Variants in LRRK1 observed in about 807,000 individuals in gnomAD.
LRRK1 encodes the protein leucine-rich repeat serine/threonine-protein kinase 1.
Under a neutral mutation model 209.1 loss-of-function variants are expected in LRRK1, and 113 were observed. The ratio of observed to expected loss-of-function variants is 0.54; its 90% CI spans 0.46 to 0.63. The LOEUF (loss-of-function observed/expected upper bound fraction) is 0.63. Ranked by LOEUF, LRRK1 falls within the 30% of genes least tolerant of loss-of-function variation. LRRK1 has a pLI of 0.00. For missense variants in LRRK1, 2,284 were observed against 2,632.2 expected, an observed-to-expected ratio of 0.87 and a Z score of 2.89; for synonymous variants, 1,144 against 1,099.7, an observed-to-expected ratio of 1.04 and a Z score of -0.80.
Position 100,983,683 on chromosome 15 carries a change from G to T in LRRK1, c.417G>T (p.Leu139Phe), listed in dbSNP as rs775524685. Residue 139 changes from leucine to phenylalanine, a missense_variant, in exon 4 of 34, where the codon TTG (leucine) becomes TTT (phenylalanine). Transcript: ENST00000388948. ...YFGHTAVVQE[L>F]LESLPGPCSP... ...GACACACGGCAGTTGTGCAGGAATT[G>T]CTTGAGTCCTTACCAGGTAAATCAC... 1.9e-6 allele frequency: 3 copies of T among 1,609,300 alleles called. No individual in the cohort carries two copies. The highest frequency in any genetic ancestry group is 4.5e-5 in the East Asian group (2 of 44,768).
intron 23 of LRRK1, among the ~76,000 whole-genome samples, chr15:101,051,450 G>T (rs2035429959): frequency 6.6e-6 from 1 of 152,198 alleles, no homozygotes; most frequent in Non-Finnish European, 1.5e-5. Flanking sequence ...CCCCCAGCCA[G>T]CCTGCTCAGT....
At position 101,027,475 on chromosome 15, in the gene LRRK1, G is replaced by A; in HGVS notation, c.2526+94G>A. The A allele has an allele frequency of 1.3e-6, 2 of 1,543,534 alleles. No individual in the cohort carries two copies. The highest frequency in any genetic ancestry group is 1.4e-5 in the African/African-American group (1 of 73,456). ...CCTCTCTCCTGTGAAGCCCATGTCT[G>A]TGTGGCAAGGCTCGGTGGTTCCTGG... On this transcript the variant is annotated intron_variant, in intron 18 of 33. Coordinates refer to ENST00000388948, the MANE Select transcript of LRRK1 (RefSeq NM_024652.6). The surrounding 1 kb of genome is among the most constrained non-coding windows in gnomAD (Gnocchi z 5.1).
Position 101,022,691 on chromosome 15 carries a change from A to C in LRRK1, c.2067+94A>C. 2.2e-6 allele frequency: 2 copies of C among 915,078 alleles called. No individual in the cohort carries two copies. The highest frequency in any genetic ancestry group is 2.4e-5 in the Admixed American group (1 of 40,882). 56.7% of individuals were successfully genotyped at this position (915,078 alleles called of 1,614,324 possible). ...TCCCCAGAGAGCCCAGGATTTTCTC[A>C]GCCTGGTGTCCAAAGCTCAGGCCCT... On this transcript the variant is annotated intron_variant, in intron 15 of 33. Transcript: ENST00000388948. This position sits in a 1 kb window ranked among gnomAD's most constrained non-coding sequence, Gnocchi z 4.0.
intron 6 of LRRK1, among the ~76,000 whole-genome samples, chr15:101,007,729 G>C (rs918786829): frequency 6.6e-6 from 1 of 152,168 alleles, no homozygotes; most frequent in Non-Finnish European, 1.5e-5. Flanking sequence ...ATTGGTAGGG[G>C]TGCAAAGTTG....
At chr15:101,065,260 T>C in intron 31 of LRRK1, 92 bp from the exon 32 acceptor site, 1 of 1,467,710 alleles carries the variant, frequency 6.8e-7, no homozygotes, top group Non-Finnish European at 9.2e-7. Context: ...GCCCGCCTGG[T>C]GTGGGTGCAG....
intron 19 of LRRK1, 67 bp from the exon 20 acceptor site, chr15:101,028,889 G>A: frequency 1.3e-6 from 2 of 1,530,564 alleles, no homozygotes; most frequent in Non-Finnish European, 1.8e-6. Flanking sequence ...TTGGAAAGAG[G>A]GCCACCCCAG....
At chr15:101,023,196 G>C (rs1439531550) in intron 15 of LRRK1, among the ~76,000 whole-genome samples, 1 of 152,040 alleles carries the variant, frequency 6.6e-6, no homozygotes, top group African/African-American at 2.4e-5. Flanking sequence ...TTCACCCCAG[G>C]TTCTGAAAAG....
rs763187290 is a variant in LRRK1, at chr15:101,011,990, T to C, written c.1282-18T>C. ...AGAGCTAACTAATATACATTTTTTT[T>C]TCTCGTCAATCTCTTAGAAATGTTG... is the stretch of plus-strand genomic sequence containing the variant. On this transcript the variant is annotated intron_variant, in intron 9 of 33. Transcript: ENST00000388948. 5.5e-5 allele frequency: 87 copies of C among 1,572,386 alleles called. No homozygotes were observed. The highest frequency in any genetic ancestry group is 7.2e-5 in the Non-Finnish European group (84 of 1,160,860).
chr15:101,015,402 GGT>G lies in LRRK1; in HGVS notation c.1609+8_1609+9del. ...TCGCCAGCGCTCCGGGACTGAGGCAGGTGTGTGTGGGTTGGGAGACGGTGTTC... is the reference window on the plus strand; with the variant it reads ...TCGCCAGCGCTCCGGGACTGAGGCAGGTGTGTGGGTTGGGAGACGGTGTTC... On this transcript the variant is annotated splice_donor_variant, in intron 12 of 33. Coordinates refer to ENST00000388948, the MANE Select transcript of LRRK1 (RefSeq NM_024652.6). LOFTEE classifies it high-confidence loss of function. 6.2e-7 allele frequency: 1 copy of G among 1,611,338 alleles called. No individual in the cohort carries two copies. Among genetic ancestry groups the G allele is most frequent in the Non-Finnish European group, 8.5e-7 (1 of 1,178,268 alleles).
chr15:100,964,811 C>T (rs35579181), intron 2 of LRRK1, among the ~76,000 whole-genome samples: 106,343 of 151,438 alleles, frequency 0.7, 37,644 homozygotes, highest in Middle Eastern at 0.76. Flanking sequence ...CACGCATGCG[C>T]GCACACACAC....
In LRRK1 at chr15:100,924,521, C is replaced by A; in HGVS notation, c.-112C>A. On this transcript the variant is annotated 5_prime_UTR_variant, in exon 2 of 34. Transcript: ENST00000388948. ...GTTTTTCGCCACCAGAGCAAGAAAG[C>A]TTTCTGCTCAGCCATGGCTACGAGT... The A allele has an allele frequency of 2.4e-6, 2 of 840,708 alleles. No homozygotes were observed. The highest frequency in any genetic ancestry group is 1.9e-6 in the Non-Finnish European group (1 of 515,908). The allele number at this position is 840,708 out of a possible 1,614,324, so 52.1% of individuals were successfully genotyped here.
intron 2 of LRRK1, among the ~76,000 whole-genome samples, chr15:100,936,355 A>G (rs1364075200): frequency 6.6e-6 from 1 of 152,178 alleles, no homozygotes; most frequent in African/African-American, 2.4e-5. Context: ...GTGTGTCTGT[A>G]AATACATGGT....
intron 2 of LRRK1, among the ~76,000 whole-genome samples, chr15:100,959,857 C>T (rs147068150): frequency 6.6e-6 from 1 of 152,224 alleles, no homozygotes; most frequent in Non-Finnish European, 1.5e-5. Context: ...TCAGTTCTTC[C>T]TGTAACTGCG....
intron 2 of LRRK1, 127 bp from the exon 3 acceptor site, chr15:100,973,677 C>T (rs1213977399): frequency 3.0e-6 from 3 of 987,212 alleles, no homozygotes; most frequent in East Asian, 6.5e-5. Context: ...GGCCACCCCT[C>T]TCTCTTCCTG....
At chr15:101,005,334 A>G (rs1596261249) in intron 6 of LRRK1, among the ~76,000 whole-genome samples, 1 of 151,530 alleles carries the variant, frequency 6.6e-6, no homozygotes, top group African/African-American at 2.4e-5. Context: ...ACCGGAAACA[A>G]TATTGGGACG....
chr15:101,062,855 G>A (rs901530855), intron 31 of LRRK1, among the ~76,000 whole-genome samples, 165 bp downstream of exon 31: 4 of 152,206 alleles, frequency 2.6e-5, no homozygotes, highest in Non-Finnish European at 4.4e-5. Flanking sequence ...GACCTGGTCC[G>A]TCATTAGTGC....
chr15:100,947,614 C>T (rs1045913100), intron 2 of LRRK1, among the ~76,000 whole-genome samples: 1 of 152,108 alleles, frequency 6.6e-6, no homozygotes, highest in Non-Finnish European at 1.5e-5. Context: ...CTGCTCCTTC[C>T]GCTGCTGGAG....
chr15:101,042,134 C>T (rs57082082), intron 20 of LRRK1, among the ~76,000 whole-genome samples: 13,597 of 152,250 alleles, frequency 0.089, 932 homozygotes, highest in East Asian at 0.29. Flanking sequence ...CTCTTCACTT[C>T]TTTCCATCTG....
chr15:101,026,624 G>A (rs1411610093), intron 17 of LRRK1, among the ~76,000 whole-genome samples: 2 of 152,212 alleles, frequency 1.3e-5, no homozygotes, highest in Non-Finnish European at 2.9e-5. Context: ...CAATTGCCCT[G>A]GGCTGACTGC....
Sources: allele counts gnomAD v4.1 joint callset (sites outside exome capture counted in the v4.1 genomes callset), GRCh38; gene constraint gnomAD v4.1.1; non-coding constraint Gnocchi (gnomAD v3.1); transcripts MANE v1.5; gene names NCBI Gene and HGNC (gene_info 2026-07-23, HGNC 2026-07-21).